SLIT3: variants seen among roughly 807,000 people sequenced by gnomAD.
SLIT3 encodes the protein slit homolog 3 protein.
In SLIT3, 68 loss-of-function variants were observed where a neutral mutation model predicts 184.0. The observed-to-expected ratio is 0.37, with a 90% CI of 0.30 to 0.45. The LOEUF is 0.45. Among genes scored for constraint, SLIT3 ranks in the 20% least tolerant of loss-of-function variants. The pLI, the probability that SLIT3 is intolerant of heterozygous loss-of-function variation, is 1.00. For missense variants in SLIT3, 1,707 were observed against 2,026.0 expected (o/e 0.84, Z 3.02); for synonymous variants, 831 against 828.6 (o/e 1.00, Z -0.05).
chr5:168,827,158 AT>A (rs1209260650), intron 6 of SLIT3, among the ~76,000 whole-genome samples: 1 of 152,182 alleles, frequency 6.6e-6, no homozygotes, highest in Non-Finnish European at 1.5e-5. Flanking sequence ...TAGTGCCAAG[AT>A]TTGAGTCCAA....
rs184443690 is a variant in SLIT3, at chr5:168,948,184, C to T, written c.414-64848G>A. Among the ~76,000 whole-genome samples, 6 of 152,254 alleles carry T rather than the reference C, an allele frequency of 3.9e-5. No individual in the cohort carries two copies. The East Asian group carries it at 5.8e-4, about 15-fold the overall frequency. On this transcript the variant is annotated intron_variant, in intron 4 of 35. Coordinates refer to ENST00000519560, the MANE Select transcript of SLIT3 (RefSeq NM_003062.4). ...ACTTTCCCTTCTCTGCCGGACCTGA[C>T]GCGCCACCCCAGCAACACCCCTGCC... is the stretch of plus-strand genomic sequence containing the variant.
chr5:168,895,851 C>T (rs1581188413), intron 4 of SLIT3, among the ~76,000 whole-genome samples: 1 of 96,536 alleles, frequency 1.0e-5, no homozygotes, highest in African/African-American at 3.1e-5. Flanking sequence ...ATAATTAATC[C>T]CAGACCTGCT....
intron 16 of SLIT3, 100 bp downstream of exon 16, chr5:168,760,761 CA>C (rs1158337731): frequency 1.2e-6 from 1 of 839,440 alleles, no homozygotes; most frequent in African/African-American, 1.7e-5. Context: ...GGGAGTGGAG[CA>C]GAGGCTGGGG....
chr5:169,167,802 G>A (rs1223749103), intron 4 of SLIT3, among the ~76,000 whole-genome samples: 10 of 152,066 alleles, frequency 6.6e-5, no homozygotes, highest in Admixed American at 6.5e-4. Context: ...CTGCCACCCA[G>A]CAACCCCTCA....
intron 4 of SLIT3, among the ~76,000 whole-genome samples, chr5:168,952,033 C>T (rs1053402055): frequency 7.9e-5 from 12 of 152,262 alleles, no homozygotes; most frequent in South Asian, 2.1e-4. Context: ...TGTCTTGAAT[C>T]TTCTAGAGTT....
At chr5:168,745,308 T>C (rs1334929916) in intron 20 of SLIT3, among the ~76,000 whole-genome samples, 1 of 152,260 alleles carries the variant, frequency 6.6e-6, no homozygotes, top group Non-Finnish European at 1.5e-5. Context: ...TGGAATCTAC[T>C]TTTGGTGAAG....
intron 4 of SLIT3, among the ~76,000 whole-genome samples, chr5:169,062,949 A>C (rs1758227656): frequency 6.6e-6 from 1 of 152,256 alleles, no homozygotes; most frequent in Non-Finnish European, 1.5e-5. Context: ...AGTGTGTATA[A>C]ACCTGTTCAA....
At position 169,056,151 on chromosome 5, in the gene SLIT3, TCTC is replaced by T. The variant is rs558316097; in HGVS notation, c.413+137325_413+137327del. ...GCAGTGGAGTGGGGGTATAAAATCT[TCTC>T]CTCTCAGGTAAAAGCATTATGCAGA... On this transcript the variant is annotated intron_variant, in intron 4 of 35. Coordinates refer to ENST00000519560, the MANE Select transcript of SLIT3 (RefSeq NM_003062.4). Among the ~76,000 whole-genome samples the T allele has an allele frequency of 7.7e-4, 117 of 152,178 alleles. 1 individual carries two copies. The highest frequency in any genetic ancestry group is 2.7e-3 in the African/African-American group (114 of 41,510).
chr5:168,668,097 G>C (rs2113157984), intron 35 of SLIT3, among the ~76,000 whole-genome samples: 1 of 152,276 alleles, frequency 6.6e-6, no homozygotes, highest in Admixed American at 6.5e-5. Context: ...TGGGATCCTG[G>C]TGGCAGGGAG....
intron 3 of SLIT3, among the ~76,000 whole-genome samples, chr5:169,207,025 G>A (rs1764092608): frequency 1.3e-5 from 2 of 150,382 alleles, no homozygotes; most frequent in South Asian, 4.2e-4. Flanking sequence ...ACTTCGATCT[G>A]ATTGAATCTT....
chr5:169,156,338 G>T (rs1396149541), intron 4 of SLIT3, among the ~76,000 whole-genome samples: 1 of 152,216 alleles, frequency 6.6e-6, no homozygotes, highest in East Asian at 1.9e-4. Flanking sequence ...CACGTGTACA[G>T]GGCCAAGTAA....
intron 9 of SLIT3, among the ~76,000 whole-genome samples, chr5:168,801,026 T>C (rs1561940229): frequency 6.6e-6 from 1 of 152,152 alleles, no homozygotes; most frequent in Non-Finnish European, 1.5e-5. Flanking sequence ...TTAGGCAAAG[T>C]GGGGAACTGA....
At chr5:168,791,268 G>A (rs1249513746) in intron 10 of SLIT3, 1 of 152,230 alleles carries the variant, frequency 6.6e-6, no homozygotes, top group Non-Finnish European at 1.5e-5. Flanking sequence ...GTTGCAAGAG[G>A]AAGCTATGTG....
intron 14 of SLIT3, among the ~76,000 whole-genome samples, chr5:168,764,650 A>C (rs994534921): frequency 5.9e-5 from 9 of 152,092 alleles, no homozygotes; most frequent in African/African-American, 1.9e-4. Context: ...GTGGGTCTCT[A>C]ATTCTGATGT....
chr5:169,101,597 A>G (rs1474570354), intron 4 of SLIT3, among the ~76,000 whole-genome samples: 2 of 152,180 alleles, frequency 1.3e-5, no homozygotes, highest in South Asian at 4.1e-4. Flanking sequence ...ACAAAGCTGG[A>G]AAGAACTTCC....
At chr5:169,110,465 C>T (rs533296535) in intron 4 of SLIT3, among the ~76,000 whole-genome samples, 7 of 152,212 alleles carry the variant, frequency 4.6e-5, no homozygotes, top group South Asian at 4.1e-4. Flanking sequence ...TCTCTCCTAG[C>T]GCTGGTAACT....
At chr5:169,136,026 G>A (rs1761489670) in intron 4 of SLIT3, among the ~76,000 whole-genome samples, 2 of 152,106 alleles carry the variant, frequency 1.3e-5, no homozygotes, top group Admixed American at 1.3e-4. Flanking sequence ...GCTCCCTCCT[G>A]GGACAGTCTC....
chr5:169,216,624 C>T lies in SLIT3; in HGVS notation c.342-23074G>A, dbSNP rs115953250. ...GAAGAACGTGCTGTAATGTTAAACC[C>T]CAAAGGGCCACTCTTTGCCCTGAGC... On this transcript the variant is annotated intron_variant, in intron 3 of 35. Transcript: ENST00000519560. 3.0e-3 allele frequency among the ~76,000 whole-genome samples: 456 copies of T among 152,224 alleles called. 3 individuals are homozygous for T. Among genetic ancestry groups the T allele is most frequent in the African/African-American group, 0.01 (422 of 41,524 alleles).
rs369170323 is a variant in SLIT3, at chr5:168,723,010, A to T, written c.2340-6T>A. ...TGCTGTTGTTGCTCAGGTCACTAGG[A>T]AAAGTAAAACAGAGGGGTCATGCTT... On this transcript the variant is annotated splice_polypyrimidine_tract_variant and splice_region_variant and intron_variant, in intron 21 of 35. Transcript: ENST00000519560. The T allele has an allele frequency of 3.1e-6, 5 of 1,612,370 alleles. No homozygotes were observed. In the African/African-American group the frequency reaches 6.7e-5, roughly 22 times the overall value.
Sources: allele counts gnomAD v4.1 joint callset (sites outside exome capture counted in the v4.1 genomes callset), GRCh38; gene constraint gnomAD v4.1.1; transcripts MANE v1.5; gene names NCBI Gene and HGNC (gene_info 2026-07-23, HGNC 2026-07-21).